The following CTXND1 variants were observed in gnomAD, a reference collection of about 807,000 sequenced individuals.
CTXND1 encodes the protein cortexin domain-containing 1 protein.
At chr15:80,236,796 A>AAAAAG (rs1893503257) in intron 1 of CTXND1, among the ~76,000 whole-genome samples, 1 of 151,270 alleles carries the variant, frequency 6.6e-6, no homozygotes. Context: ...AAAAAAAAAA[A>AAAAAG]TTATAATGGA....
At chr15:80,250,080 C>T (rs147155099) in intron 1 of CTXND1, among the ~76,000 whole-genome samples, 336 of 152,244 alleles carry the variant, frequency 2.2e-3, no homozygotes, top group African/African-American at 7.5e-3. Flanking sequence ...TTTCTATTTA[C>T]GTCATGAAAA....
At chr15:80,239,279 A>G (rs1188536949) in intron 1 of CTXND1, among the ~76,000 whole-genome samples, 1 of 152,148 alleles carries the variant, frequency 6.6e-6, no homozygotes, top group East Asian at 1.9e-4. Context: ...CCCTCTGGTT[A>G]CCACCCACCC....
chr15:80,207,182 C>T (rs1470967673), intron 1 of CTXND1, among the ~76,000 whole-genome samples: 1 of 152,094 alleles, frequency 6.6e-6, no homozygotes, highest in East Asian at 1.9e-4. Context: ...GGGCTCTTTC[C>T]CTTTTAAATA....
intron 1 of CTXND1, among the ~76,000 whole-genome samples, chr15:80,230,112 A>G (rs1370279001): frequency 6.6e-6 from 1 of 152,230 alleles, no homozygotes; most frequent in Non-Finnish European, 1.5e-5. Flanking sequence ...CATTCCCCAA[A>G]TTAATTAATT....
At chr15:80,221,765 G>T (rs1188932049) in intron 1 of CTXND1, among the ~76,000 whole-genome samples, 2 of 151,864 alleles carry the variant, frequency 1.3e-5, no homozygotes, top group African/African-American at 2.4e-5. Flanking sequence ...ATATTTCTTT[G>T]AGTATAACTT....
At chr15:80,214,994 A>G (rs1016896056) in intron 1 of CTXND1, among the ~76,000 whole-genome samples, 3 of 152,220 alleles carry the variant, frequency 2.0e-5, no homozygotes, top group African/African-American at 7.2e-5. Flanking sequence ...GTACTATGAA[A>G]ACTCTGCCAT....
chr15:80,230,465 C>G (rs1026295214), intron 1 of CTXND1, among the ~76,000 whole-genome samples: 13 of 152,168 alleles, frequency 8.5e-5, no homozygotes, highest in African/African-American at 3.1e-4. Context: ...TTTGCTTCAT[C>G]AGTTTATCAA....
At chr15:80,240,511 C>T (rs1567135207) in intron 1 of CTXND1, among the ~76,000 whole-genome samples, 1 of 152,054 alleles carries the variant, frequency 6.6e-6, no homozygotes. Flanking sequence ...GCCAACACTC[C>T]CCCCCCACCA....
intron 1 of CTXND1, among the ~76,000 whole-genome samples, chr15:80,205,830 T>C (rs1893142399): frequency 1.3e-5 from 2 of 152,214 alleles, no homozygotes; most frequent in South Asian, 4.1e-4. Flanking sequence ...ATAAAAAGCC[T>C]TTTTCCCTGG....
intron 1 of CTXND1, among the ~76,000 whole-genome samples, chr15:80,206,074 A>G (rs1893144643): frequency 6.6e-6 from 1 of 152,204 alleles, no homozygotes; most frequent in East Asian, 1.9e-4. Context: ...CCTAGATTCT[A>G]TAGTTGTTAA....
chr15:80,224,744 T>G (rs902877790), intron 1 of CTXND1, among the ~76,000 whole-genome samples: 1 of 152,192 alleles, frequency 6.6e-6, no homozygotes, highest in African/African-American at 2.4e-5. Flanking sequence ...AGTAGTGTTT[T>G]TTGAGTAGTT....
At chr15:80,223,048 A>C (rs78945461) in intron 1 of CTXND1, among the ~76,000 whole-genome samples, 7,176 of 152,238 alleles carry the variant, frequency 0.047, 214 homozygotes, top group Middle Eastern at 0.11. Flanking sequence ...CACTTAACAT[A>C]AGGTCTATGA....
chr15:80,227,535 CAATT>C (rs201786398), intron 1 of CTXND1, among the ~76,000 whole-genome samples: 2,521 of 150,306 alleles, frequency 0.017, 62 homozygotes, highest in African/African-American at 0.057. Flanking sequence ...TAGACCACCA[CAATT>C]AAGTGACTAT....
At chr15:80,225,330 G>T (rs193245433) in intron 1 of CTXND1, among the ~76,000 whole-genome samples, 2,325 of 145,588 alleles carry the variant, frequency 0.016, 27 homozygotes, top group Non-Finnish European at 0.023. Context: ...TAATGTGTGT[G>T]TTTTTTTGTG....
At chr15:80,244,364 C>G (rs1186143618) in intron 1 of CTXND1, among the ~76,000 whole-genome samples, 1 of 152,194 alleles carries the variant, frequency 6.6e-6, no homozygotes, top group Non-Finnish European at 1.5e-5. Context: ...ATGATCCTTA[C>G]ATTATTCTTG....
chr15:80,237,337 A>AAG (rs1893513269), intron 1 of CTXND1, among the ~76,000 whole-genome samples: 2 of 42,018 alleles, frequency 4.8e-5, no homozygotes, highest in African/African-American at 1.7e-4. Context: ...AGTGTCTCAG[A>AAG]AAAAAAAAAA....
At chr15:80,229,228 C>T (rs554229498) in intron 1 of CTXND1, among the ~76,000 whole-genome samples, 3 of 152,280 alleles carry the variant, frequency 2.0e-5, no homozygotes, top group East Asian at 3.9e-4. Flanking sequence ...CGCACCCTGA[C>T]TGGGGCTGGA....
Position 80,200,307 on chromosome 15 carries a change from G to A in CTXND1, c.*1463C>T, listed in dbSNP as rs892488972. On this transcript the variant is annotated 3_prime_UTR_variant, in exon 3 of 3. Transcript: ENST00000560778. ...TTCGTCCTCACAACAACCTTGCGAG[G>A]TAGATGTTATTCCCTCACTTTACAG... is the stretch of plus-strand genomic sequence containing the variant. 1.3e-5 allele frequency: 2 copies of A among 152,334 alleles called. No individual in the cohort carries two copies. The highest frequency in any genetic ancestry group is 3.9e-4 in the East Asian group (2 of 5,182). The allele number at this position is 152,334 out of a possible 1,614,324, so 9.4% of individuals were successfully genotyped here.
chr15:80,225,879 C>T (rs928131893), intron 1 of CTXND1, among the ~76,000 whole-genome samples: 1 of 151,940 alleles, frequency 6.6e-6, no homozygotes, highest in Non-Finnish European at 1.5e-5. Context: ...TTTCTGCTCA[C>T]GTTTATAAAT....
Sources: allele counts gnomAD v4.1 joint callset (sites outside exome capture counted in the v4.1 genomes callset), GRCh38; gene constraint gnomAD v4.1.1; transcripts MANE v1.5; gene names NCBI Gene and HGNC (gene_info 2026-07-23, HGNC 2026-07-21).